HERC1: variants seen among roughly 807,000 people sequenced by gnomAD.
The protein encoded by HERC1 is probable E3 ubiquitin-protein ligase HERC1.
In HERC1, 160 loss-of-function variants were observed where a neutral mutation model predicts 554.3. That is an observed-to-expected ratio of 0.29 (90% CI 0.25 to 0.33). The LOEUF is 0.33. HERC1 is among the 10% of genes least tolerant of loss of function. The probability of loss-of-function intolerance (pLI) is 1.00; values close to 1 mark genes in which losing one functional copy is unlikely to be tolerated. For missense variants in HERC1, 4,919 were observed against 5,918.5 expected, an observed-to-expected ratio of 0.83 and a Z score of 5.54; for synonymous variants, 2,175 against 2,131.7, an observed-to-expected ratio of 1.02 and a Z score of -0.56.
rs569519359 is a variant in HERC1, at chr15:63,752,246, A to G, written c.1902+712T>C. ...CTCCTCTGCCTTGTCAATTAGTCATAAAACACTTTTATACCACTGCCTGAC... is the reference window on the plus strand; with the variant it reads ...CTCCTCTGCCTTGTCAATTAGTCATGAAACACTTTTATACCACTGCCTGAC... On this transcript the variant is annotated intron_variant, in intron 8 of 77. Transcript: ENST00000443617. Among the ~76,000 whole-genome samples the G allele has an allele frequency of 3.3e-5, 5 of 152,312 alleles. No individual in the cohort carries two copies. The East Asian group carries it at 9.6e-4, about 29-fold the overall frequency.
At chr15:63,732,875 G>A (rs2074354602) in intron 14 of HERC1, 49 bp downstream of exon 14, 1 of 1,215,598 alleles carries the variant, frequency 8.2e-7, no homozygotes, top group Non-Finnish European at 1.2e-6. Flanking sequence ...TGACTAAAGA[G>A]ATCCCTACCC....
At chr15:63,788,157 TAAC>T (rs1024067552) in intron 1 of HERC1, among the ~76,000 whole-genome samples, 33 of 152,118 alleles carry the variant, frequency 2.2e-4, no homozygotes, top group African/African-American at 8.0e-4. Flanking sequence ...AAAAGACAGT[TAAC>T]AAACAAATGA....
At chr15:63,647,611 A>G (rs2069425076) in intron 55 of HERC1, among the ~76,000 whole-genome samples, 1 of 152,238 alleles carries the variant, frequency 6.6e-6, no homozygotes, top group Admixed American at 6.5e-5. Flanking sequence ...AGTGTCCATC[A>G]ATGGATGACT....
At chr15:63,737,327 A>C (rs989016522) in intron 12 of HERC1, among the ~76,000 whole-genome samples, 4 of 148,466 alleles carry the variant, frequency 2.7e-5, no homozygotes, top group African/African-American at 9.8e-5. Context: ...AACAATGAAG[A>C]AGAAATCAAC....
At chr15:63,748,961 CA>C (rs11353871) in intron 10 of HERC1, among the ~76,000 whole-genome samples, 94,640 of 137,816 alleles carry the variant, frequency 0.69, 32,197 homozygotes, top group African/African-American at 0.8. Flanking sequence ...ATTTTTTTTC[CA>C]AAAAAAAAAA....
chr15:63,621,987 A>G (rs1180756365), intron 74 of HERC1, among the ~76,000 whole-genome samples: 4 of 151,656 alleles, frequency 2.6e-5, no homozygotes, highest in African/African-American at 9.7e-5. Flanking sequence ...TCTTCTCTCA[A>G]CTCGTCAAAG....
chr15:63,729,754 G>A, intron 14 of HERC1, 105 bp from the exon 15 acceptor site: 5 of 1,082,444 alleles, frequency 4.6e-6, no homozygotes, highest in South Asian at 4.5e-5. Flanking sequence ...TGGGTGCGGT[G>A]ACTCACACCT....
chr15:63,825,547 G>C (rs2077866727), intron 1 of HERC1, among the ~76,000 whole-genome samples: 1 of 151,950 alleles, frequency 6.6e-6, no homozygotes. Flanking sequence ...AAATGAGAGA[G>C]AAGAGACTGG....
chr15:63,685,616 T>A (rs569665055), intron 34 of HERC1, among the ~76,000 whole-genome samples: 1 of 152,230 alleles, frequency 6.6e-6, no homozygotes, highest in Non-Finnish European at 1.5e-5. Flanking sequence ...TGGCTAAGTC[T>A]AGGACCCCTA....
chr15:63,616,375 G>A, intron 75 of HERC1, 55 bp downstream of exon 75: 1 of 1,541,674 alleles, frequency 6.5e-7, no homozygotes, highest in Non-Finnish European at 8.8e-7. Flanking sequence ...AAAAATTCTA[G>A]TCTGTGCATA....
chr15:63,725,532 G>C lies in HERC1; in HGVS notation c.3347-19C>G, dbSNP rs1218089328. The C allele has an allele frequency of 9.4e-6, 15 of 1,588,682 alleles. No homozygotes were observed. Among genetic ancestry groups the C allele is most frequent in the East Asian group, 2.2e-5 (1 of 44,750 alleles). On this transcript the variant is annotated intron_variant, in intron 17 of 77. Transcript: ENST00000443617. ...GGCCCTCCTAAAGACAAAATCATTA[G>C]TTATTGTGTCTTTATCTGGTACTTT...
At chr15:63,783,353 T>C (rs1386131654) in intron 1 of HERC1, among the ~76,000 whole-genome samples, 1 of 152,078 alleles carries the variant, frequency 6.6e-6, no homozygotes, top group Non-Finnish European at 1.5e-5. Flanking sequence ...AGACCCTCCA[T>C]GAGCAAAAAG....
chr15:63,701,207 C>CA (rs2072706889), intron 25 of HERC1, among the ~76,000 whole-genome samples: 1 of 151,880 alleles, frequency 6.6e-6, no homozygotes, highest in African/African-American at 2.4e-5. Context: ...AACAGAGGCA[C>CA]AAAAAAATTG....
intron 38 of HERC1, among the ~76,000 whole-genome samples, chr15:63,673,315 A>G (rs1012701908): frequency 6.6e-6 from 1 of 152,328 alleles, no homozygotes; most frequent in Non-Finnish European, 1.5e-5. Context: ...AAAAAGCCAC[A>G]TTACTTCACA....
intron 71 of HERC1, among the ~76,000 whole-genome samples, chr15:63,625,089 C>T (rs1210647364): frequency 6.6e-6 from 1 of 152,118 alleles, no homozygotes; most frequent in East Asian, 1.9e-4. Context: ...TGCTGCCTAT[C>T]TATTTCTAGC....
chr15:63,818,614 GATTTT>G (rs1596321493), intron 1 of HERC1, among the ~76,000 whole-genome samples: 1 of 152,206 alleles, frequency 6.6e-6, no homozygotes, highest in East Asian at 1.9e-4. Context: ...ATTCATATTG[GATTTT>G]ATTCCTTTAT....
chr15:63,719,020 A>G (rs1287226349), intron 19 of HERC1, 123 bp from the exon 20 acceptor site: 2 of 644,450 alleles, frequency 3.1e-6, no homozygotes, highest in Non-Finnish European at 5.3e-6. Context: ...TACTTAACAA[A>G]TGCACCTCAT....
chr15:63,791,671 C>A (rs1368491250), intron 1 of HERC1, among the ~76,000 whole-genome samples: 1 of 152,176 alleles, frequency 6.6e-6, no homozygotes, highest in Non-Finnish European at 1.5e-5. Context: ...TCCTTCAGTT[C>A]TAAAACACTT....
At chr15:63,754,206 A>G (rs144682417) in intron 7 of HERC1, among the ~76,000 whole-genome samples, 11 of 152,146 alleles carry the variant, frequency 7.2e-5, no homozygotes, top group Middle Eastern at 3.4e-3. Flanking sequence ...TAAAACATAT[A>G]TATGTCAAAA....
Sources: allele counts gnomAD v4.1 joint callset (sites outside exome capture counted in the v4.1 genomes callset), GRCh38; gene constraint gnomAD v4.1.1; transcripts MANE v1.5; gene names NCBI Gene and HGNC (gene_info 2026-07-23, HGNC 2026-07-21).